The following RABGAP1 variants were observed in gnomAD, a reference collection of about 807,000 sequenced individuals.
The protein encoded by RABGAP1 is rab GTPase-activating protein 1.
Under a neutral mutation model 137.6 loss-of-function variants are expected in RABGAP1, and 23 were observed. The ratio of observed to expected loss-of-function variants is 0.17; its 90% CI spans 0.12 to 0.24. RABGAP1 has a LOEUF of 0.24. Ranked by LOEUF, RABGAP1 falls within the 10% of genes least tolerant of loss-of-function variation. The pLI is 1.00. For synonymous variants in RABGAP1, 451 were observed against 450.7 expected (o/e 1.00, Z -0.01); for missense variants, 906 against 1,275.8 (o/e 0.71, Z 4.42).
chr9:122,980,553 C>T (rs1170638983), intron 2 of RABGAP1, among the ~76,000 whole-genome samples: 1 of 152,218 alleles, frequency 6.6e-6, no homozygotes, highest in East Asian at 1.9e-4. Context: ...AATCAACAGT[C>T]TTCCAGAAGC....
intron 13 of RABGAP1, among the ~76,000 whole-genome samples, chr9:123,058,146 C>G (rs957249621): frequency 5.9e-5 from 9 of 152,064 alleles, no homozygotes; most frequent in Non-Finnish European, 7.3e-5. Context: ...CCTTAAGAAT[C>G]ACTGTTCTAC....
chr9:122,979,113 G>C (rs916878242), intron 2 of RABGAP1, among the ~76,000 whole-genome samples: 12 of 152,084 alleles, frequency 7.9e-5, no homozygotes, highest in Admixed American at 5.9e-4. Flanking sequence ...GCCCAGGCTA[G>C]TTTCAAACTC....
At chr9:123,057,082 G>A (rs1252766619) in intron 13 of RABGAP1, among the ~76,000 whole-genome samples, 9 of 151,128 alleles carry the variant, frequency 6.0e-5, no homozygotes, top group East Asian at 2.0e-4. Context: ...CCTCCCGGAC[G>A]GGGCGGCTGG....
chr9:123,026,272 C>T (rs2031965278), intron 13 of RABGAP1, among the ~76,000 whole-genome samples: 1 of 152,000 alleles, frequency 6.6e-6, no homozygotes, highest in African/African-American at 2.4e-5. Flanking sequence ...TGCAGTGAGC[C>T]AAAATAGTGC....
At chr9:123,089,672 A>G (rs2034978715) in intron 19 of RABGAP1, 86 bp from the exon 20 acceptor site, 1 of 1,020,732 alleles carries the variant, frequency 9.8e-7, no homozygotes, top group Non-Finnish European at 1.5e-6. Flanking sequence ...TGCCCAGGCC[A>G]CCAGAAGTCT....
chr9:122,982,068 A>T (rs958193500), intron 2 of RABGAP1, among the ~76,000 whole-genome samples: 2 of 151,710 alleles, frequency 1.3e-5, no homozygotes, highest in African/African-American at 4.8e-5. Flanking sequence ...AAAAAAAAGT[A>T]TGTGTACTAT....
chr9:122,940,898 G>A (rs975546345), upstream of RABGAP1: 2 of 152,290 alleles, frequency 1.3e-5, no homozygotes, highest in African/African-American at 4.8e-5. Context: ...TCGCTTCCCG[G>A]TATTGGGCCA....
rs556348181 is a variant in RABGAP1, at chr9:122,954,180, G to T, written c.-49-2831G>T. ...AATCCCTTATGGTCTTGAGACAGAG[G>T]TTGTGAATCTCTAGATTTTGCCAGA... On this transcript the variant is annotated intron_variant, in intron 1 of 25. Coordinates refer to ENST00000373647, the MANE Select transcript of RABGAP1 (RefSeq NM_012197.4). Among the ~76,000 whole-genome samples, 281 of 152,276 alleles carry T rather than the reference G, an allele frequency of 1.8e-3. 1 individual carries two copies. Among genetic ancestry groups the T allele is most frequent in the African/African-American group, 6.4e-3 (267 of 41,552 alleles).
At position 123,097,750 on chromosome 9, in the gene RABGAP1, A is replaced by G. The variant is rs984767302; in HGVS notation, c.2638A>G (p.Lys880Glu). 2.5e-6 allele frequency: 4 copies of G among 1,607,972 alleles called. No homozygotes were observed. The highest frequency in any genetic ancestry group is 1.7e-5 in the Admixed American group (1 of 58,148). Residue 880 changes from lysine (K) to glutamate (E), a missense_variant, in exon 22 of 26, where the codon AAG (lysine) becomes GAG (glutamate). By Grantham distance (56) the Lys-to-Glu change is moderately conservative (BLOSUM62 1). Coordinates refer to ENST00000373647, the MANE Select transcript of RABGAP1 (RefSeq NM_012197.4). ...ATCTTAAATGTTTCAGGCTGAGGAA[A>G]AGGCAGATGCTCTGAATAAGGAGCT... ...LRKDLDNAEE[K>E]ADALNKELLM...
At chr9:123,069,571 CTAT>C (rs1338151820) in intron 14 of RABGAP1, among the ~76,000 whole-genome samples, 1 of 70,900 alleles carries the variant, frequency 1.4e-5, no homozygotes, top group East Asian at 2.2e-4. Context: ...GACCCTGTCT[CTAT>C]TAAAAAAAAA....
intron 2 of RABGAP1, among the ~76,000 whole-genome samples, chr9:122,972,884 C>G (rs943042629): frequency 6.6e-6 from 1 of 151,368 alleles, no homozygotes; most frequent in Non-Finnish European, 1.5e-5. Context: ...ACCTGTAATC[C>G]CAGCACTTGG....
chr9:123,022,268 G>T (rs1009545119), intron 13 of RABGAP1, among the ~76,000 whole-genome samples: 3 of 152,116 alleles, frequency 2.0e-5, no homozygotes, highest in Non-Finnish European at 2.9e-5. Flanking sequence ...CCTTGAAAGT[G>T]GTGACGTCTG....
At chr9:123,069,220 G>A (rs2034276075) in intron 14 of RABGAP1, among the ~76,000 whole-genome samples, 1 of 152,150 alleles carries the variant, frequency 6.6e-6, no homozygotes. Context: ...ACCCACAAAT[G>A]GTTTCAGAGT....
At position 123,035,200 on chromosome 9, in the gene RABGAP1, T is replaced by G. The variant is rs61736065; in HGVS notation, c.1794+14741T>G. 1.3e-3 allele frequency: 2,041 copies of G among 1,614,102 alleles called. 20 individuals carry two copies. In the African/African-American group the frequency reaches 0.024, roughly 19 times the overall value. ...AGCCCTTATTGTCTGCTTCACCTAT[T>G]TCAACATCTTCCGCATCTGCCAACA... On this transcript the variant is annotated intron_variant, in intron 13 of 25. Coordinates refer to ENST00000373647, the MANE Select transcript of RABGAP1 (RefSeq NM_012197.4).
intron 13 of RABGAP1, chr9:123,062,244 G>A (rs1338434441): frequency 2.0e-5 from 3 of 152,206 alleles, no homozygotes; most frequent in Non-Finnish European, 4.4e-5. Context: ...CTCCAGCCTG[G>A]GCGACAAGAG....
chr9:122,993,989 AC>A (rs1490938424), intron 6 of RABGAP1, among the ~76,000 whole-genome samples: 1 of 152,150 alleles, frequency 6.6e-6, no homozygotes, highest in East Asian at 1.9e-4. Context: ...CATTCAAAGT[AC>A]CATTCAAGAC....
At chr9:122,957,877 T>G (rs2131626132) in intron 2 of RABGAP1, among the ~76,000 whole-genome samples, 1 of 144,116 alleles carries the variant, frequency 6.9e-6, no homozygotes, top group East Asian at 3.0e-4. Context: ...CTTCTAGAGC[T>G]TTAATTCTTT....
the RABGAP1 span, among the ~76,000 whole-genome samples, chr9:122,934,830 G>C: frequency 2.0e-5 from 3 of 152,018 alleles, no homozygotes; most frequent in Non-Finnish European, 2.9e-5. Context: ...ACAGGCATGC[G>C]GTCCCATCAA....
chr9:122,986,395 C>T lies in RABGAP1; in HGVS notation c.566C>T (p.Pro189Leu). 1 of 1,613,948 alleles carries T rather than the reference C, an allele frequency of 6.2e-7. No homozygotes were observed. The highest frequency in any genetic ancestry group is 8.5e-7 in the Non-Finnish European group (1 of 1,179,966). Reference sequence around the variant, plus strand: ...TCACTAGATGTTACCCTTTCAGTGCCGAATGTGTCTGAAGGAATTGTGAGG... The same window carrying T: ...TCACTAGATGTTACCCTTTCAGTGCTGAATGTGTCTGAAGGAATTGTGAGG... ...QISLDVTLSV[P>L]NVSEGIVRLL... The change falls in exon 4 of 26, where the codon CCG (proline) becomes CTG (leucine). Residue 189 changes from proline to leucine, a missense_variant. Around this residue, in one of 9 missense-constraint regions of RABGAP1, gnomAD observed 331 missense variants for 358.3 expected, o/e 0.92. Coordinates refer to ENST00000373647, the MANE Select transcript of RABGAP1 (RefSeq NM_012197.4).
Sources: gnomAD v4.1 joint callset for allele counts (sites outside exome capture counted in the v4.1 genomes callset) on GRCh38, gnomAD v4.1.1 for gene constraint, gnomAD v4.1.1 regional missense constraint, MANE v1.5 for transcripts, NCBI Gene and HGNC (gene_info 2026-07-23, HGNC 2026-07-21) for gene names.